Variants in TTC27 observed in about 807,000 individuals in gnomAD.
TTC27 encodes the protein tetratricopeptide repeat protein 27.
In TTC27, 79 loss-of-function variants were observed where a neutral mutation model predicts 115.9. The observed-to-expected ratio is 0.68, with a 90% CI of 0.57 to 0.82. The LOEUF is 0.82. TTC27 is among the 40% of genes least tolerant of loss of function. The pLI, the probability that TTC27 is intolerant of heterozygous loss-of-function variation, is 0.00. For missense variants in TTC27, 1,054 were observed against 993.1 expected, an observed-to-expected ratio of 1.06 and a Z score of -0.82; for synonymous variants, 401 against 356.0, an observed-to-expected ratio of 1.13 and a Z score of -1.42.
intron 8 of TTC27, among the ~76,000 whole-genome samples, chr2:32,674,685 G>A (rs182608048): frequency 6.0e-4 from 87 of 145,362 alleles, no homozygotes; most frequent in African/African-American, 1.9e-3. Flanking sequence ...TTGAGACAGA[G>A]TCTCGCTGTG....
chr2:32,697,333 A>T lies in TTC27; in HGVS notation c.1120-5474A>T, dbSNP rs141625524. Among the ~76,000 whole-genome samples the T allele has an allele frequency of 2.4e-3, 371 of 152,314 alleles. 1 individual carries two copies. The highest frequency in any genetic ancestry group is 8.5e-3 in the African/African-American group (353 of 41,562). On this transcript the variant is annotated intron_variant, in intron 9 of 19. Transcript: ENST00000317907. ...AAGGCTGAAACTCTGTGCTTATTTA[A>T]CCTCTCAATATGTAAGACACCATTC...
chr2:32,804,840 T>A (rs1260164292), intron 16 of TTC27, among the ~76,000 whole-genome samples: 1 of 152,084 alleles, frequency 6.6e-6, no homozygotes, highest in Non-Finnish European at 1.5e-5. Context: ...GATTGGCCGA[T>A]GAACCCAATA....
chr2:32,723,728 C>CTCCGTCCTTCCT (rs1454826952), intron 10 of TTC27, among the ~76,000 whole-genome samples: 1,232 of 29,540 alleles, frequency 0.042, 79 homozygotes, highest in Non-Finnish European at 0.057. Flanking sequence ...CCCTCCCTCC[C>CTCCGTCCTTCCT]TCCTTCCTTC....
intron 12 of TTC27, among the ~76,000 whole-genome samples, chr2:32,740,208 A>C (rs1668583007): frequency 6.6e-6 from 1 of 152,170 alleles, no homozygotes; most frequent in East Asian, 1.9e-4. Flanking sequence ...TTCCTAAATG[A>C]GAGACAAAGA....
At chr2:32,700,328 G>A (rs1023757288) in intron 9 of TTC27, among the ~76,000 whole-genome samples, 2 of 152,138 alleles carry the variant, frequency 1.3e-5, no homozygotes, top group Non-Finnish European at 2.9e-5. Flanking sequence ...ACTTGGTGGG[G>A]CTGGGATGCC....
chr2:32,760,758 G>A (rs879879011), intron 13 of TTC27, among the ~76,000 whole-genome samples: 135 of 152,064 alleles, frequency 8.9e-4, no homozygotes, highest in Non-Finnish European at 1.7e-3. Context: ...GAGTTCCCTC[G>A]CTTAGCCTGC....
In TTC27 at chr2:32,723,202, G is replaced by A. The variant is rs115416062; in HGVS notation, c.1234-10626G>A. On this transcript the variant is annotated intron_variant, in intron 10 of 19. Transcript: ENST00000317907. ...GATTCCCAAGGAGGAACAAACTTAA[G>A]TTCTTTGGACAAGGTCAGATTACGG... 2.5e-3 allele frequency among the ~76,000 whole-genome samples: 375 copies of A among 152,290 alleles called. 1 individual carries two copies. The highest frequency in any genetic ancestry group is 8.6e-3 in the African/African-American group (356 of 41,566).
chr2:32,684,434 AAAC>A (rs1666560353), intron 9 of TTC27, among the ~76,000 whole-genome samples: 3 of 152,228 alleles, frequency 2.0e-5, no homozygotes, highest in Middle Eastern at 3.4e-3. Flanking sequence ...AAATTTAAAA[AAAC>A]AAGTTTCAAA....
intron 5 of TTC27, among the ~76,000 whole-genome samples, chr2:32,661,877 C>G (rs1481610346): frequency 6.6e-6 from 1 of 152,042 alleles, no homozygotes; most frequent in Non-Finnish European, 1.5e-5. Context: ...CAGCTTTTGC[C>G]CATTCAGTAT....
intron 3 of TTC27, among the ~76,000 whole-genome samples, chr2:32,636,971 G>C (rs2151861134): frequency 6.6e-6 from 1 of 152,308 alleles, no homozygotes; most frequent in East Asian, 1.9e-4. Flanking sequence ...GCCTCTTTTA[G>C]CAGTGAAAAA....
intron 4 of TTC27, among the ~76,000 whole-genome samples, chr2:32,644,766 A>G (rs1664787163): frequency 6.7e-6 from 1 of 150,290 alleles, no homozygotes; most frequent in Non-Finnish European, 1.5e-5. Context: ...TCTTTCTATT[A>G]TAGATTTTTC....
intron 10 of TTC27, among the ~76,000 whole-genome samples, chr2:32,720,922 C>G (rs890294849): frequency 1.3e-5 from 2 of 152,162 alleles, no homozygotes; most frequent in African/African-American, 4.8e-5. Context: ...AGTTCACATG[C>G]ATTATACTTG....
chr2:32,742,571 G>A (rs1240462935), intron 12 of TTC27, among the ~76,000 whole-genome samples: 1 of 152,156 alleles, frequency 6.6e-6, no homozygotes, highest in African/African-American at 2.4e-5. Flanking sequence ...TCTGATGGGT[G>A]GGGCAAAGTG....
intron 5 of TTC27, among the ~76,000 whole-genome samples, chr2:32,657,297 T>C (rs1311170644): frequency 6.6e-6 from 1 of 152,014 alleles, no homozygotes; most frequent in Admixed American, 6.6e-5. Context: ...CATCTTGACT[T>C]ACTCTCTTTG....
At chr2:32,664,274 C>A (rs763703454) in intron 5 of TTC27, 29 bp from the exon 6 acceptor site, 2 of 1,568,106 alleles carry the variant, frequency 1.3e-6, no homozygotes, top group Admixed American at 3.9e-5. Context: ...CTCATCATAA[C>A]TTTTAATGTT....
At chr2:32,658,104 A>C (rs946270803) in intron 5 of TTC27, among the ~76,000 whole-genome samples, 1 of 152,146 alleles carries the variant, frequency 6.6e-6, no homozygotes, top group African/African-American at 2.4e-5. Context: ...CTGGGATTAT[A>C]GACATGAGCC....
At chr2:32,765,223 T>G (rs1669584326) in intron 13 of TTC27, among the ~76,000 whole-genome samples, 1 of 152,226 alleles carries the variant, frequency 6.6e-6, no homozygotes, top group Non-Finnish European at 1.5e-5. Context: ...AAGTCTAGAT[T>G]ACTCCTTGTT....
chr2:32,656,697 C>T (rs922140454), intron 5 of TTC27, among the ~76,000 whole-genome samples: 4 of 152,156 alleles, frequency 2.6e-5, no homozygotes, highest in Non-Finnish European at 5.9e-5. Flanking sequence ...CACATGGACC[C>T]CTCCTTGGTA....
At chr2:32,708,304 GTTTTTT>G (rs1158508588) in intron 10 of TTC27, among the ~76,000 whole-genome samples, 11 of 61,356 alleles carry the variant, frequency 1.8e-4, no homozygotes, top group African/African-American at 2.6e-4. Flanking sequence ...TCTCTACCTT[GTTTTTT>G]TTTTTTTTTT....
Sources: gnomAD v4.1 joint callset for allele counts (sites outside exome capture counted in the v4.1 genomes callset) on GRCh38, gnomAD v4.1.1 for gene constraint, MANE v1.5 for transcripts, NCBI Gene and HGNC (gene_info 2026-07-23, HGNC 2026-07-21) for gene names.